Variants in CNTNAP2 observed in about 807,000 individuals in gnomAD.
CNTNAP2 encodes the protein contactin-associated protein-like 2.
A neutral mutation model predicts 155.2 loss-of-function variants in CNTNAP2; 98 were observed. That is an observed-to-expected ratio of 0.63 (90% confidence interval 0.54 to 0.75). The LOEUF (loss-of-function observed/expected upper bound fraction) is 0.75, where lower values mean the gene tolerates loss of function less well. Among genes scored for constraint, CNTNAP2 ranks in the 30% least tolerant of loss-of-function variants. The probability of loss-of-function intolerance (pLI) is 0.00; values close to 1 mark genes in which losing one functional copy is unlikely to be tolerated. For missense variants in CNTNAP2, 1,727 were observed against 1,688.1 expected, an observed-to-expected ratio of 1.02 and a Z score of -0.40; for synonymous variants, 651 against 631.2, an observed-to-expected ratio of 1.03 and a Z score of -0.47.
intron 9 of CNTNAP2, among the ~76,000 whole-genome samples, chr7:147,311,420 G>A (rs1445729427): frequency 6.6e-6 from 1 of 152,148 alleles, no homozygotes; most frequent in South Asian, 2.1e-4. Flanking sequence ...CCAGTCTCTA[G>A]CAAAAATTGT....
chr7:146,715,263 G>A (rs1010349233), intron 1 of CNTNAP2, among the ~76,000 whole-genome samples: 2 of 152,044 alleles, frequency 1.3e-5, no homozygotes, highest in African/African-American at 4.8e-5. Flanking sequence ...ACCCAGGAGG[G>A]GGACATTGCA....
chr7:147,205,798 T>C (rs1803013721), intron 8 of CNTNAP2, among the ~76,000 whole-genome samples: 1 of 151,854 alleles, frequency 6.6e-6, no homozygotes, highest in African/African-American at 2.4e-5. Flanking sequence ...AAACATACAG[T>C]TAGAAGGAAT....
At chr7:147,479,397 T>C (rs1171345042) in intron 10 of CNTNAP2, among the ~76,000 whole-genome samples, 1 of 152,232 alleles carries the variant, frequency 6.6e-6, no homozygotes, top group Non-Finnish European at 1.5e-5. Flanking sequence ...GAGTTTGTTT[T>C]AGAGTGTCTT....
At chr7:146,401,460 AT>A (rs1795712487) in intron 1 of CNTNAP2, among the ~76,000 whole-genome samples, 1 of 152,066 alleles carries the variant, frequency 6.6e-6, no homozygotes, top group African/African-American at 2.4e-5. Context: ...ATGTTCCCTC[AT>A]TTTTTCCCCG....
chr7:147,044,183 T>C (rs957156835), intron 4 of CNTNAP2, 129 bp downstream of exon 4: 1 of 966,796 alleles, frequency 1.0e-6, no homozygotes, highest in Admixed American at 2.0e-5. Context: ...TACATATATA[T>C]GTATCTATGC....
At chr7:148,041,381 T>A (rs1273888735) in intron 15 of CNTNAP2, among the ~76,000 whole-genome samples, 1 of 152,218 alleles carries the variant, frequency 6.6e-6, no homozygotes, top group Non-Finnish European at 1.5e-5. Context: ...AATAAGTTAC[T>A]GGGTTTTGTA....
intron 13 of CNTNAP2, among the ~76,000 whole-genome samples, chr7:147,692,131 G>C (rs1231429871): frequency 6.6e-6 from 1 of 151,996 alleles, no homozygotes; most frequent in Non-Finnish European, 1.5e-5. Context: ...TTTCAAATTG[G>C]CTTCTTTCAT....
intron 1 of CNTNAP2, among the ~76,000 whole-genome samples, chr7:146,317,539 C>G (rs763129342): frequency 1.3e-5 from 2 of 152,180 alleles, no homozygotes; most frequent in Non-Finnish European, 2.9e-5. Context: ...CTACTGATTT[C>G]GTCTCAGTCT....
chr7:147,478,237 C>T (rs1408395257), intron 10 of CNTNAP2, among the ~76,000 whole-genome samples: 2 of 152,032 alleles, frequency 1.3e-5, no homozygotes, highest in Non-Finnish European at 2.9e-5. Flanking sequence ...ACTGCAACCT[C>T]TGCCTCCCGG....
In CNTNAP2 at chr7:146,483,278, AAAAAAT is replaced by A. The variant is rs1357339472; in HGVS notation, c.98-290991_98-290986del. Among the ~76,000 whole-genome samples the A allele has an allele frequency of 3.7e-4, 21 of 57,442 alleles. 1 individual carries two copies. In the Middle Eastern group the frequency reaches 0.024, roughly 66 times the overall value. The allele number at this position is 57,442 out of a possible 152,430, so 37.7% of individuals were successfully genotyped here. A position where few individuals can be genotyped will look rare whatever the true frequency, so the allele number is the denominator to read the frequency against. On this transcript the variant is annotated intron_variant, in intron 1 of 23. Coordinates refer to ENST00000361727, the MANE Select transcript of CNTNAP2 (RefSeq NM_014141.6). ...GCAACAGAGCAAGACTCCGTCTAAA[AAAAAAT>A]ATATATATATATATATATATATATA...
At chr7:147,486,179 A>G in intron 11 of CNTNAP2, 138 bp downstream of exon 11, 1 of 573,450 alleles carries the variant, frequency 1.7e-6, no homozygotes, top group Non-Finnish European at 2.8e-6. Context: ...TCCAATTGTC[A>G]TTTCTCCAAA....
chr7:147,994,811 G>A (rs1445620132), intron 15 of CNTNAP2, among the ~76,000 whole-genome samples: 1 of 152,112 alleles, frequency 6.6e-6, no homozygotes, highest in Admixed American at 6.5e-5. Flanking sequence ...CACAACTCAG[G>A]GCTTAAAACT....
At chr7:146,764,259 G>A (rs887581137) in intron 1 of CNTNAP2, among the ~76,000 whole-genome samples, 1 of 152,052 alleles carries the variant, frequency 6.6e-6, no homozygotes, top group Non-Finnish European at 1.5e-5. Context: ...TAGGTAGCTC[G>A]ACCTTCTTAC....
intron 16 of CNTNAP2, among the ~76,000 whole-genome samples, chr7:148,143,503 A>T (rs1805115486): frequency 6.6e-6 from 1 of 151,872 alleles, no homozygotes; most frequent in African/African-American, 2.4e-5. Flanking sequence ...ACATGGCAAA[A>T]CCCCATCTCT....
chr7:147,089,763 T>A (rs1800359675), intron 4 of CNTNAP2, among the ~76,000 whole-genome samples: 1 of 152,154 alleles, frequency 6.6e-6, no homozygotes, highest in Admixed American at 6.5e-5. Flanking sequence ...GGTGGCAAAT[T>A]CATAAGCTAT....
chr7:147,613,740 G>A (rs1801231645), intron 12 of CNTNAP2, among the ~76,000 whole-genome samples: 1 of 152,136 alleles, frequency 6.6e-6, no homozygotes, highest in Non-Finnish European at 1.5e-5. Flanking sequence ...CTACTTGGGA[G>A]GCAGAGACAG....
At chr7:146,182,394 T>C (rs774000897) in intron 1 of CNTNAP2, among the ~76,000 whole-genome samples, 7 of 152,146 alleles carry the variant, frequency 4.6e-5, no homozygotes, top group Non-Finnish European at 1.0e-4. Flanking sequence ...ACATATTATC[T>C]GTACATATTT....
intron 1 of CNTNAP2, among the ~76,000 whole-genome samples, chr7:146,360,479 A>G (rs1160916537): frequency 6.6e-6 from 1 of 152,234 alleles, no homozygotes; most frequent in Admixed American, 6.5e-5. Context: ...TTAATAGTAT[A>G]GAATATCACA....
intron 1 of CNTNAP2, among the ~76,000 whole-genome samples, chr7:146,490,310 C>T (rs760243650): frequency 2.0e-5 from 3 of 152,016 alleles, no homozygotes; most frequent in Non-Finnish European, 4.4e-5. Flanking sequence ...CCTGTCTATC[C>T]TCATGAAGCT....
Sources: gnomAD v4.1 joint callset for allele counts (sites outside exome capture counted in the v4.1 genomes callset) on GRCh38, gnomAD v4.1.1 for gene constraint, MANE v1.5 for transcripts, NCBI Gene and HGNC (gene_info 2026-07-23, HGNC 2026-07-21) for gene names.